RELN: variants seen among roughly 807,000 people sequenced by gnomAD.
RELN encodes the protein reelin.
RELN carries 108 observed loss-of-function variants against 427.6 expected under a neutral mutation model. That is an observed-to-expected ratio of 0.25 (90% CI 0.22 to 0.30). The LOEUF is 0.30. Among genes scored for constraint, RELN ranks in the 10% least tolerant of loss-of-function variants. The pLI, the probability that RELN is intolerant of heterozygous loss-of-function variation, is 1.00. For synonymous variants in RELN, 1,524 were observed against 1,513.4 expected (o/e 1.01, Z -0.16); for missense variants, 3,715 against 4,302.8 (o/e 0.86, Z 3.82).
chr7:103,960,473 TTTTA>T (rs1796527229), intron 1 of RELN, among the ~76,000 whole-genome samples: 1 of 152,196 alleles, frequency 6.6e-6, no homozygotes, highest in Non-Finnish European at 1.5e-5. Flanking sequence ...TCCTCCTTAG[TTTTA>T]TTTATCTCAT....
At chr7:103,641,054 T>C (rs1052535164) in intron 16 of RELN, among the ~76,000 whole-genome samples, 3 of 152,192 alleles carry the variant, frequency 2.0e-5, no homozygotes, top group African/African-American at 7.2e-5. Flanking sequence ...TACATATATT[T>C]CTAAATATTA....
At chr7:103,534,468 G>A (rs911322489) in intron 46 of RELN, among the ~76,000 whole-genome samples, 3 of 148,234 alleles carry the variant, frequency 2.0e-5, no homozygotes, top group Non-Finnish European at 3.0e-5. Context: ...GAATTTACTA[G>A]GCAATTTTAT....
chr7:103,935,241 A>G (rs1795954821), intron 1 of RELN, among the ~76,000 whole-genome samples: 1 of 152,018 alleles, frequency 6.6e-6, no homozygotes, highest in Non-Finnish European at 1.5e-5. Context: ...TCTTCCCTCA[A>G]TCCCCATTTA....
At chr7:103,542,510 G>A (rs1046490592) in intron 43 of RELN, among the ~76,000 whole-genome samples, 1 of 152,094 alleles carries the variant, frequency 6.6e-6, no homozygotes, top group Non-Finnish European at 1.5e-5. Context: ...GCCTGTTTAG[G>A]TATGTTTCCT....
intron 38 of RELN, among the ~76,000 whole-genome samples, chr7:103,555,098 A>C (rs938460218): frequency 6.6e-6 from 1 of 152,158 alleles, no homozygotes; most frequent in African/African-American, 2.4e-5. Context: ...ATCACCCTTT[A>C]TACTGCTATA....
chr7:103,913,448 A>G (rs556411054), intron 2 of RELN, among the ~76,000 whole-genome samples: 11 of 152,302 alleles, frequency 7.2e-5, no homozygotes, highest in African/African-American at 2.4e-4. Context: ...CATTCCATCA[A>G]AAAAGTCAGA....
chr7:103,984,277 G>T (rs1357670255), intron 1 of RELN, among the ~76,000 whole-genome samples: 2 of 151,932 alleles, frequency 1.3e-5, no homozygotes. Flanking sequence ...TCTTTTTAAA[G>T]ATGGAAAGTC....
intron 44 of RELN, 74 bp from the exon 45 acceptor site, chr7:103,539,401 T>C: frequency 7.1e-7 from 1 of 1,417,944 alleles, no homozygotes; most frequent in Non-Finnish European, 9.7e-7. Flanking sequence ...CTTTTTCGTT[T>C]GTTTGTTTGT....
intron 10 of RELN, among the ~76,000 whole-genome samples, chr7:103,684,127 T>TCTC (rs1833712245): frequency 6.6e-6 from 1 of 152,092 alleles, no homozygotes; most frequent in South Asian, 2.1e-4. Context: ...GAGCAACGGG[T>TCTC]GTACTGAGTC....
intron 41 of RELN, among the ~76,000 whole-genome samples, chr7:103,547,370 C>T (rs938660876): frequency 6.6e-6 from 1 of 152,204 alleles, no homozygotes; most frequent in South Asian, 2.1e-4. Flanking sequence ...GATCTTGGCT[C>T]ACTGCAACCT....
chr7:103,510,227 T>C (rs1829360666), intron 51 of RELN, among the ~76,000 whole-genome samples: 1 of 152,152 alleles, frequency 6.6e-6, no homozygotes, highest in Non-Finnish European at 1.5e-5. Flanking sequence ...TAGCAAAGAC[T>C]TGGAACCAAC....
chr7:103,841,276 T>C (rs1377988393), intron 2 of RELN, among the ~76,000 whole-genome samples: 1 of 152,176 alleles, frequency 6.6e-6, no homozygotes, highest in Non-Finnish European at 1.5e-5. Flanking sequence ...GTAATTTCTG[T>C]ACCAACAATC....
rs180929878 is a variant in RELN at position 103,520,247 on chromosome 7, A to G, written c.7669-731T>C. On this transcript the variant is annotated intron_variant, in intron 48 of 64. Coordinates refer to ENST00000428762, the MANE Select transcript of RELN (RefSeq NM_005045.4). ...CTATTAGATTTTTAAAAATGAATCA[A>G]CCACTAAGAAAATAGCATATTGAGA... is the stretch of plus-strand genomic sequence containing the variant. Among the ~76,000 whole-genome samples the G allele has an allele frequency of 1.0e-3, 154 of 152,202 alleles. 1 individual carries two copies. Among genetic ancestry groups the G allele is most frequent in the African/African-American group, 3.6e-3 (148 of 41,522 alleles).
chr7:103,658,683 G>A (rs1456853172), intron 12 of RELN, among the ~76,000 whole-genome samples: 1 of 151,922 alleles, frequency 6.6e-6, no homozygotes, highest in Non-Finnish European at 1.5e-5. Flanking sequence ...TCCTCTTTCA[G>A]TGACACATTT....
intron 32 of RELN, 57 bp downstream of exon 32, chr7:103,566,544 G>A (rs1490529825): frequency 5.0e-6 from 8 of 1,602,390 alleles, no homozygotes; most frequent in African/African-American, 1.3e-5. Context: ...TGCAAGGTGG[G>A]TATGGATACT....
At chr7:103,533,817 C>T (rs536658020) in intron 46 of RELN, among the ~76,000 whole-genome samples, 1 of 152,220 alleles carries the variant, frequency 6.6e-6, no homozygotes, top group African/African-American at 2.4e-5. Context: ...CTTAGAATGT[C>T]GCTTATTTGC....
intron 41 of RELN, among the ~76,000 whole-genome samples, chr7:103,547,374 G>GCAACCT (rs1462550869): frequency 6.6e-6 from 1 of 152,200 alleles, no homozygotes. Flanking sequence ...TTGGCTCACT[G>GCAACCT]CAACCTCCAC....
intron 2 of RELN, among the ~76,000 whole-genome samples, chr7:103,883,354 TC>T (rs1242050188): frequency 1.3e-5 from 2 of 152,286 alleles, no homozygotes; most frequent in South Asian, 4.1e-4. Flanking sequence ...CTGGAAGCAT[TC>T]CCTTTGAAAA....
rs572640415 is a variant in RELN, at chr7:103,633,086, A to G, written c.2465+2339T>C. Among the ~76,000 whole-genome samples, 23 of 152,278 alleles carry G rather than the reference A, an allele frequency of 1.5e-4. 1 individual carries two copies. In the South Asian group the frequency reaches 4.6e-3, roughly 30 times the overall value. On this transcript the variant is annotated intron_variant, in intron 19 of 64. Transcript: ENST00000428762. ...ACTTAGATATATTAAATTTTTATTA[A>G]TAACAAGCAGATAGAGTTCTTTTAT...
Sources: gnomAD v4.1 joint callset for allele counts (sites outside exome capture counted in the v4.1 genomes callset) on GRCh38, gnomAD v4.1.1 for gene constraint, MANE v1.5 for transcripts, NCBI Gene and HGNC (gene_info 2026-07-23, HGNC 2026-07-21) for gene names.